Variants in CADPS observed in about 807,000 individuals in gnomAD.
CADPS encodes calcium-dependent secretion activator 1.
CADPS carries 57 observed loss-of-function variants against 167.3 expected under a neutral mutation model. The ratio of observed to expected loss-of-function variants is 0.34; its 90% confidence interval spans 0.28 to 0.42. CADPS has a LOEUF of 0.42. Among genes scored for constraint, CADPS ranks in the 20% least tolerant of loss-of-function variants. The pLI is 1.00. For synonymous variants in CADPS, 676 were observed against 635.3 expected, an observed-to-expected ratio of 1.06 and a Z score of -0.96; for missense variants, 1,414 against 1,738.1, an observed-to-expected ratio of 0.81 and a Z score of 3.32.
At chr3:62,590,586 G>A (rs1294786697) in intron 7 of CADPS, among the ~76,000 whole-genome samples, 1 of 152,012 alleles carries the variant, frequency 6.6e-6, no homozygotes, top group Non-Finnish European at 1.5e-5. Context: ...CTATGCTGCA[G>A]TAATATGACT....
At chr3:62,532,716 T>TG (rs1491372781) in intron 13 of CADPS, among the ~76,000 whole-genome samples, 155 bp downstream of exon 13, 12 of 42,004 alleles carry the variant, frequency 2.9e-4, no homozygotes, top group African/African-American at 1.0e-3. Context: ...GTTAGTGCCC[T>TG]TTGTGTGTGT....
At chr3:62,477,063 T>G (rs1414738008) in intron 23 of CADPS, among the ~76,000 whole-genome samples, 3 of 152,192 alleles carry the variant, frequency 2.0e-5, no homozygotes, top group Non-Finnish European at 4.4e-5. Flanking sequence ...CCTGCCCAGA[T>G]TCTCCATAGT....
At chr3:62,570,978 G>A in intron 8 of CADPS, 40 bp from the exon 9 acceptor site, 1 of 1,255,948 alleles carries the variant, frequency 8.0e-7, no homozygotes, top group Non-Finnish European at 1.2e-6. Context: ...ATTAATGCTT[G>A]AGTGAGTGAA....
At chr3:62,503,195 T>A (rs1311131953) in intron 17 of CADPS, among the ~76,000 whole-genome samples, 1 of 152,156 alleles carries the variant, frequency 6.6e-6, no homozygotes, top group East Asian at 1.9e-4. Flanking sequence ...CACCTATACA[T>A]TAATAGCTGC....
chr3:62,691,274 C>T (rs2079059798), intron 3 of CADPS, among the ~76,000 whole-genome samples: 1 of 151,896 alleles, frequency 6.6e-6, no homozygotes, highest in Non-Finnish European at 1.5e-5. Context: ...TTGCCAAAAC[C>T]TACAGAACCC....
intron 8 of CADPS, among the ~76,000 whole-genome samples, chr3:62,581,395 G>T (rs1055349755): frequency 6.9e-6 from 1 of 144,542 alleles, no homozygotes; most frequent in Non-Finnish European, 1.5e-5. Flanking sequence ...AACTGAAATT[G>T]TCTGTTTGGA....
intron 3 of CADPS, among the ~76,000 whole-genome samples, chr3:62,715,361 TCTATCTATCTAC>T (rs902294452): frequency 4.6e-4 from 69 of 150,010 alleles, no homozygotes; most frequent in Middle Eastern, 3.5e-3. Flanking sequence ...GCCCTATCTA[TCTATCTATCTAC>T]CTATCTATCT....
intron 17 of CADPS, among the ~76,000 whole-genome samples, chr3:62,501,992 A>G (rs182028634): frequency 3.3e-5 from 5 of 152,336 alleles, no homozygotes; most frequent in Admixed American, 2.0e-4. Flanking sequence ...TTGAACATAA[A>G]ACCATTAAAG....
At chr3:62,565,921 G>C (rs1388858880) in intron 9 of CADPS, among the ~76,000 whole-genome samples, 1 of 152,358 alleles carries the variant, frequency 6.6e-6, no homozygotes, top group Non-Finnish European at 1.5e-5. Context: ...GACTCTGTGT[G>C]TATGTGTAGA....
intron 3 of CADPS, among the ~76,000 whole-genome samples, chr3:62,735,010 C>T (rs1258816641): frequency 6.6e-6 from 1 of 152,126 alleles, no homozygotes; most frequent in Non-Finnish European, 1.5e-5. Flanking sequence ...ATGCAATTAC[C>T]TTATGTCCCA....
chr3:62,855,086 G>A (rs1362503777), intron 1 of CADPS, among the ~76,000 whole-genome samples: 2 of 49,330 alleles, frequency 4.1e-5, no homozygotes, highest in South Asian at 7.8e-4. Flanking sequence ...CATCATGCCC[G>A]GCTAATTTTT....
In CADPS at chr3:62,417,475, G is replaced by C. The variant is rs1437633446; in HGVS notation, c.3778-14290C>G. On this transcript the variant is annotated intron_variant, in intron 28 of 29. Coordinates refer to ENST00000383710, the MANE Select transcript of CADPS (RefSeq NM_003716.4). Reference sequence around the variant, plus strand: ...AATTTTTGTATTTTTAGTAGAGATGGGGTTTTGCTATGTTGGCCAGGCTGG... The same window carrying C: ...AATTTTTGTATTTTTAGTAGAGATGCGGTTTTGCTATGTTGGCCAGGCTGG... Among the ~76,000 whole-genome samples, 5 of 151,322 alleles carry C rather than the reference G, an allele frequency of 3.3e-5. No individual in the cohort carries two copies. The East Asian group carries it at 9.8e-4, about 30-fold the overall frequency.
chr3:62,556,145 C>T (rs1484511670), intron 10 of CADPS, among the ~76,000 whole-genome samples: 2 of 152,194 alleles, frequency 1.3e-5, no homozygotes, highest in Admixed American at 1.3e-4. Context: ...GTCCTAAGGA[C>T]TGGTTTCCTA....
intron 3 of CADPS, among the ~76,000 whole-genome samples, chr3:62,720,880 C>T (rs1051110019): frequency 1.4e-5 from 2 of 147,340 alleles, no homozygotes; most frequent in African/African-American, 2.5e-5. Context: ...TGCCATGGTG[C>T]GATCTTGGCT....
chr3:62,511,602 G>C (rs2067842523), intron 17 of CADPS, among the ~76,000 whole-genome samples: 1 of 151,992 alleles, frequency 6.6e-6, no homozygotes, highest in South Asian at 2.1e-4. Flanking sequence ...TCTTGATGTA[G>C]GATGACTTTC....
intron 1 of CADPS, among the ~76,000 whole-genome samples, chr3:62,802,933 C>T (rs1414514560): frequency 2.6e-5 from 4 of 152,152 alleles, no homozygotes; most frequent in Non-Finnish European, 5.9e-5. Context: ...TACGTCCACA[C>T]TGTTAAGAGG....
chr3:62,612,830 A>C (rs2061684961), intron 6 of CADPS, among the ~76,000 whole-genome samples: 1 of 152,182 alleles, frequency 6.6e-6, no homozygotes. Flanking sequence ...TCATCCATTC[A>C]TCCATTCACC....
chr3:62,601,343 A>G lies in CADPS; in HGVS notation c.1326-8595T>C, dbSNP rs1306934362. On this transcript the variant is annotated intron_variant, in intron 6 of 29. Coordinates refer to ENST00000383710, the MANE Select transcript of CADPS (RefSeq NM_003716.4). The surrounding 1 kb of genome is among the most constrained non-coding windows in gnomAD (Gnocchi z 4.3). ...AATGGCAGAATTGAGTAGTTATGAC[A>G]GAGAATATAGGGCCAACAAACCGAA... Among the ~76,000 whole-genome samples, 1 of 152,222 alleles carries G rather than the reference A, an allele frequency of 6.6e-6. No individual in the cohort carries two copies. Among genetic ancestry groups the G allele is most frequent in the Non-Finnish European group, 1.5e-5 (1 of 68,040 alleles).
chr3:62,738,552 C>T (rs567121386), intron 3 of CADPS, among the ~76,000 whole-genome samples: 6 of 151,884 alleles, frequency 4.0e-5, no homozygotes, highest in Non-Finnish European at 8.8e-5. Context: ...GGTGAAACCC[C>T]GTCTCTACTA....
Sources: allele counts gnomAD v4.1 joint callset (sites outside exome capture counted in the v4.1 genomes callset), GRCh38; gene constraint gnomAD v4.1.1; non-coding constraint Gnocchi (gnomAD v3.1); transcripts MANE v1.5; gene names NCBI Gene and HGNC (gene_info 2026-07-23, HGNC 2026-07-21).